The following ADGRV1 variants were observed in gnomAD, a reference collection of about 807,000 sequenced individuals.
ADGRV1 encodes the protein adhesion G protein-coupled receptor V1.
Under a neutral mutation model 596.2 loss-of-function variants are expected in ADGRV1, and 359 were observed. The ratio of observed to expected loss-of-function variants is 0.60; its 90% CI spans 0.55 to 0.66. ADGRV1 has a LOEUF of 0.66. ADGRV1 is among the 30% of genes least tolerant of loss of function. The pLI is 0.00. For missense variants in ADGRV1, 7,274 were observed against 7,575.6 expected, an observed-to-expected ratio of 0.96 and a Z score of 1.48; for synonymous variants, 2,681 against 2,679.2, an observed-to-expected ratio of 1.00 and a Z score of -0.02.
chr5:90,990,345 T>G (rs1441577291), intron 85 of ADGRV1, among the ~76,000 whole-genome samples: 1 of 152,224 alleles, frequency 6.6e-6, no homozygotes. Flanking sequence ...ATTGAAAATA[T>G]TTGTTTATGC....
At position 90,653,606 on chromosome 5, in the gene ADGRV1, C is replaced by T. The variant is rs376636949; in HGVS notation, c.4032C>T (p.Tyr1344=). The T allele has an allele frequency of 7.3e-4, 1,173 of 1,613,564 alleles. 2 individuals carry two copies. The highest frequency in any genetic ancestry group is 9.4e-4 in the Non-Finnish European group (1,105 of 1,179,786). The change falls in exon 20 of 90, where the codon TAC becomes TAT. Residue 1344 remains tyrosine (Y), a synonymous_variant. Transcript: ENST00000405460. ...EGAFGTVNPK[Y]HPSRNNTIAN... ...CATTTGGGACTGTTAATCCAAAATA[C>T]CATCCCTCCAGGAATAATACAATTG...
intron 59 of ADGRV1, among the ~76,000 whole-genome samples, chr5:90,765,532 C>T (rs550902275): frequency 7.1e-4 from 107 of 150,832 alleles, no homozygotes; most frequent in African/African-American, 2.5e-3. Context: ...AATTGATATA[C>T]GTATTTTCAG....
chr5:91,139,687 G>T (rs1419879080), intron 87 of ADGRV1, among the ~76,000 whole-genome samples: 1 of 152,184 alleles, frequency 6.6e-6, no homozygotes, highest in African/African-American at 2.4e-5. Context: ...CTGATTTAAT[G>T]GACCAAGTCA....
In ADGRV1 at chr5:91,072,041, CT is replaced by C. The variant is rs200085565; in HGVS notation, c.18153-397del. On this transcript the variant is annotated intron_variant, in intron 85 of 89. Transcript: ENST00000405460. The stretch of plus-strand genomic sequence containing the variant: ...GTTAAAAAGTATATCTAAAGTGACT[CT>C]TTTTTTTTAAGATGTGGTGCTGGAT... 1.2e-3 allele frequency among the ~76,000 whole-genome samples: 185 copies of C among 151,450 alleles called. No homozygotes were observed. In the East Asian group the frequency reaches 0.023, roughly 19 times the overall value.
chr5:91,148,253 C>T (rs909241263), intron 87 of ADGRV1, among the ~76,000 whole-genome samples: 1 of 152,142 alleles, frequency 6.6e-6, no homozygotes, highest in African/African-American at 2.4e-5. Flanking sequence ...TGTTAATCGC[C>T]AAGACAATGG....
At chr5:90,953,925 G>A (rs1777253994) in intron 83 of ADGRV1, among the ~76,000 whole-genome samples, 1 of 151,792 alleles carries the variant, frequency 6.6e-6, no homozygotes, top group Admixed American at 6.6e-5. Context: ...AAACCTGTAG[G>A]CATGTGTTTT....
chr5:90,788,390 T>A, intron 68 of ADGRV1, 80 bp downstream of exon 68: 3 of 1,287,018 alleles, frequency 2.3e-6, no homozygotes, highest in Non-Finnish European at 3.2e-6. Flanking sequence ...GTTGAAACTC[T>A]ATAAGCTTGT....
intron 59 of ADGRV1, among the ~76,000 whole-genome samples, chr5:90,768,729 A>C (rs1411993558): frequency 6.6e-6 from 1 of 152,158 alleles, no homozygotes; most frequent in African/African-American, 2.4e-5. Context: ...TGTTTATAGA[A>C]ACATACAACT....
At chr5:90,584,546 T>C (rs1026685636) in intron 1 of ADGRV1, among the ~76,000 whole-genome samples, 5 of 152,224 alleles carry the variant, frequency 3.3e-5, no homozygotes, top group South Asian at 2.1e-4. Context: ...TACAGGGTTC[T>C]TGGGGCAGCC....
At chr5:90,698,195 A>G (rs748524087) in intron 34 of ADGRV1, among the ~76,000 whole-genome samples, 3 of 152,194 alleles carry the variant, frequency 2.0e-5, no homozygotes, top group Non-Finnish European at 4.4e-5. Context: ...CAGATCATCA[A>G]CTATCAAAAA....
At chr5:90,571,635 A>G (rs1187506820) in intron 1 of ADGRV1, among the ~76,000 whole-genome samples, 1 of 152,150 alleles carries the variant, frequency 6.6e-6, no homozygotes, top group East Asian at 1.9e-4. Context: ...AGTCAGGTCA[A>G]ATAAAGATAC....
intron 89 of ADGRV1, among the ~76,000 whole-genome samples, chr5:91,158,294 T>C (rs1335802272): frequency 6.6e-6 from 1 of 152,228 alleles, no homozygotes; most frequent in Non-Finnish European, 1.5e-5. Flanking sequence ...CAACAGCCAT[T>C]CTTTTTAACC....
At chr5:90,718,805 G>A (rs1750510819) in intron 43 of ADGRV1, among the ~76,000 whole-genome samples, 1 of 149,128 alleles carries the variant, frequency 6.7e-6, no homozygotes, top group Non-Finnish European at 1.5e-5. Context: ...TTTTTACTGT[G>A]ACTTTTTTCA....
chr5:91,041,646 A>AG (rs1396406363), intron 85 of ADGRV1, among the ~76,000 whole-genome samples: 3 of 151,970 alleles, frequency 2.0e-5, no homozygotes, highest in Non-Finnish European at 2.9e-5. Flanking sequence ...TAAAAAAAAA[A>AG]AAAGAGAGAG....
chr5:90,627,962 A>ACACACACACC, intron 7 of ADGRV1, 186 bp downstream of exon 7: 1 of 406,934 alleles, frequency 2.5e-6, no homozygotes, highest in Non-Finnish European at 4.3e-6. Context: ...ACACACACAC[A>ACACACACACC]AGAATATGTC....
At chr5:90,699,534 A>G (rs765626844) in intron 34 of ADGRV1, among the ~76,000 whole-genome samples, 1 of 152,214 alleles carries the variant, frequency 6.6e-6, no homozygotes, top group African/African-American at 2.4e-5. Context: ...TATACTAGGC[A>G]TGCACTTTTC....
intron 83 of ADGRV1, among the ~76,000 whole-genome samples, chr5:90,941,390 A>T (rs1776158141): frequency 6.6e-6 from 1 of 152,208 alleles, no homozygotes; most frequent in Non-Finnish European, 1.5e-5. Context: ...GCCATTTTTT[A>T]AAATGAGAAT....
intron 85 of ADGRV1, among the ~76,000 whole-genome samples, chr5:91,003,917 A>C (rs1281741829): frequency 1.3e-5 from 2 of 152,188 alleles, no homozygotes; most frequent in Non-Finnish European, 2.9e-5. Flanking sequence ...ATGTAAGAAA[A>C]AGGGAAGCTT....
rs530533430 is a variant in ADGRV1, at chr5:90,617,808, A to G, written c.212A>G (p.Tyr71Cys). The change falls in exon 3 of 90, where the codon TAT becomes TGT. Residue 71 changes from tyrosine (Y) to cysteine (C), a missense_variant. By Grantham distance (194) the Tyr-to-Cys change is radical. Around this residue, in one of 5 missense-constraint regions of ADGRV1, gnomAD observed 1,715 missense variants for 1,708.8 expected, o/e 1.00. Coordinates refer to ENST00000405460, the MANE Select transcript of ADGRV1 (RefSeq NM_032119.4). ...TCTATATTTTGCATTTGATAGCTGT[A>G]TGGAGAGGACGCTGGTGACTTTTTT... ...PANVTAIVSL[Y>C]GEDAGDFFDT... The G allele has an allele frequency of 1.1e-5, 17 of 1,593,300 alleles. No homozygotes were observed. The Admixed American group carries it at 2.3e-4, about 21-fold the overall frequency.
Sources: gnomAD v4.1 joint callset for allele counts (sites outside exome capture counted in the v4.1 genomes callset) on GRCh38, gnomAD v4.1.1 for gene constraint, gnomAD v4.1.1 regional missense constraint, MANE v1.5 for transcripts, NCBI Gene and HGNC (gene_info 2026-07-23, HGNC 2026-07-21) for gene names.